The following ABAT variants were observed in gnomAD, a reference collection of about 807,000 sequenced individuals.
The protein encoded by ABAT is 4-aminobutyrate aminotransferase, also known as 4-aminobutyrate aminotransferase, mitochondrial.
In ABAT, 45 loss-of-function variants were observed where a neutral mutation model predicts 64.6. The ratio of observed to expected loss-of-function variants is 0.70; its 90% CI spans 0.55 to 0.89. The LOEUF (loss-of-function observed/expected upper bound fraction) is 0.89. Ranked by LOEUF, ABAT falls within the 40% of genes least tolerant of loss-of-function variation. The pLI is 0.00. For missense variants in ABAT, 633 were observed against 658.4 expected (o/e 0.96, Z 0.42); for synonymous variants, 297 against 250.5 (o/e 1.19, Z -1.75).
intron 2 of ABAT, among the ~76,000 whole-genome samples, chr16:8,744,916 A>G (rs1458918348): frequency 6.6e-6 from 1 of 152,162 alleles, no homozygotes; most frequent in African/African-American, 2.4e-5. Flanking sequence ...ATAATATTCC[A>G]TGAAATGGTT....
intron 12 of ABAT, among the ~76,000 whole-genome samples, chr16:8,773,743 T>C (rs1331149780): frequency 6.6e-6 from 1 of 152,200 alleles, no homozygotes; most frequent in African/African-American, 2.4e-5. Context: ...ATAGGCGTCA[T>C]TCGACTCTAT....
chr16:8,679,753 A>G (rs2057289189), intron 1 of ABAT, among the ~76,000 whole-genome samples: 1 of 152,044 alleles, frequency 6.6e-6, no homozygotes, highest in African/African-American at 2.4e-5. Flanking sequence ...GGCCCCAAGA[A>G]TGCTTAGCAG....
intron 5 of ABAT, among the ~76,000 whole-genome samples, chr16:8,754,665 TA>T (rs1388088346): frequency 1.0e-4 from 1 of 9,700 alleles, no homozygotes; most frequent in Non-Finnish European, 7.1e-4. Context: ...CAAGTTGATT[TA>T]TTTATTTCTT....
chr16:8,766,298 A>C, intron 9 of ABAT, 28 bp downstream of exon 9: 2 of 1,609,170 alleles, frequency 1.2e-6, no homozygotes, highest in Non-Finnish European at 1.7e-6. Context: ...TGCACCACGT[A>C]CATCTGGGGA....
intron 5 of ABAT, among the ~76,000 whole-genome samples, chr16:8,755,976 G>A (rs2059638165): frequency 1.3e-5 from 2 of 152,098 alleles, no homozygotes; most frequent in African/African-American, 2.4e-5. Flanking sequence ...GTGAACCCAG[G>A]AGGCGGAGCT....
At chr16:8,707,042 G>C (rs59049396) in intron 1 of ABAT, among the ~76,000 whole-genome samples, 62 of 152,160 alleles carry the variant, frequency 4.1e-4, no homozygotes, top group Admixed American at 1.6e-3. Context: ...GGCAGAGGTG[G>C]GTTAGGCAAG....
chr16:8,750,710 A>G (rs1472889230), intron 5 of ABAT, among the ~76,000 whole-genome samples, 171 bp downstream of exon 5: 1 of 152,180 alleles, frequency 6.6e-6, no homozygotes, highest in African/African-American at 2.4e-5. Context: ...ATATTATTAG[A>G]CATATTATAT....
At chr16:8,719,047 G>A (rs868037002) in intron 1 of ABAT, among the ~76,000 whole-genome samples, 3 of 152,128 alleles carry the variant, frequency 2.0e-5, no homozygotes, top group Admixed American at 6.6e-5. Flanking sequence ...CTCTGAACGG[G>A]AAGTGCGTTT....
At position 8,771,152 on chromosome 16, in the gene ABAT, G is replaced by A. The variant is rs990141498; in HGVS notation, c.817-1628G>A. 2.6e-4 allele frequency among the ~76,000 whole-genome samples: 39 copies of A among 152,118 alleles called. 1 individual carries two copies. Among genetic ancestry groups the A allele is most frequent in the African/African-American group, 4.6e-4 (19 of 41,486 alleles). On this transcript the variant is annotated intron_variant, in intron 11 of 15. Transcript: ENST00000268251. Reference sequence around the variant, plus strand: ...CTCTACTAAAAATACAAAATTAGCCGGGCATGGTGGTGCATGCCTGTAATC... The same window carrying A: ...CTCTACTAAAAATACAAAATTAGCCAGGCATGGTGGTGCATGCCTGTAATC...
Position 8,679,922 on chromosome 16 carries a change from A to G in ABAT, c.-42+5211A>G, listed in dbSNP as rs529256932. On this transcript the variant is annotated intron_variant, in intron 1 of 15. Transcript: ENST00000268251. ...CTAACCATCCTTGCTTTCTCTAGAC[A>G]CTCCACACATTAAACTGTCTTGCCC... 2.6e-5 allele frequency among the ~76,000 whole-genome samples: 4 copies of G among 151,836 alleles called. No homozygotes were observed. The East Asian group carries it at 7.8e-4, about 29-fold the overall frequency.
chr16:8,772,943 T>C (rs201486605), intron 12 of ABAT, 26 bp downstream of exon 12: 2 of 1,612,562 alleles, frequency 1.2e-6, no homozygotes, highest in African/African-American at 1.3e-5. Context: ...CGAGGTTGGA[T>C]GGAGCCATTG....
intron 2 of ABAT, 62 bp from the exon 3 acceptor site, chr16:8,745,939 G>C: frequency 6.6e-7 from 1 of 1,509,352 alleles, no homozygotes; most frequent in Non-Finnish European, 9.2e-7. Context: ...GCATCTGTCA[G>C]GGCAGAATCC....
chr16:8,747,314 CT>C (rs748480795), intron 3 of ABAT, among the ~76,000 whole-genome samples: 17 of 152,070 alleles, frequency 1.1e-4, no homozygotes, highest in Non-Finnish European at 8.8e-5. Context: ...TCCATAATGT[CT>C]TTTTTTTACT....
chr16:8,773,517 G>A (rs1482094932), intron 12 of ABAT, among the ~76,000 whole-genome samples: 1 of 152,098 alleles, frequency 6.6e-6, no homozygotes, highest in African/African-American at 2.4e-5. Context: ...TCAAATCTGG[G>A]TAATTGGATA....
intron 1 of ABAT, among the ~76,000 whole-genome samples, chr16:8,711,728 A>ATGAT (rs1567279739): frequency 1.1e-4 from 10 of 93,102 alleles, no homozygotes; most frequent in African/African-American, 4.1e-4. Context: ...GGATGGGAAG[A>ATGAT]TGGATGGGTG....
intron 5 of ABAT, among the ~76,000 whole-genome samples, chr16:8,754,909 G>A (rs1277125178): frequency 6.6e-6 from 1 of 151,762 alleles, no homozygotes; most frequent in Admixed American, 6.6e-5. Context: ...AGTAGAGATG[G>A]GGTTTCACCA....
chr16:8,780,577 C>G (rs996296546), intron 15 of ABAT: 4 of 155,792 alleles, frequency 2.6e-5, no homozygotes, highest in African/African-American at 9.7e-5. Context: ...GCCTGGCCAA[C>G]GGGGCAAAAC....
In ABAT at chr16:8,684,909, G is replaced by A. The variant is rs1277903944; in HGVS notation, c.-42+10198G>A. 2.0e-5 allele frequency among the ~76,000 whole-genome samples: 3 copies of A among 152,264 alleles called. No individual in the cohort carries two copies. The South Asian group carries it at 6.2e-4, about 32-fold the overall frequency. On this transcript the variant is annotated intron_variant, in intron 1 of 15. Coordinates refer to ENST00000268251, the MANE Select transcript of ABAT (RefSeq NM_020686.6). ...GAGGTCTAAATAGATTCAAAACAGA[G>A]GCAAACATGGTTGGACAAGGCAGAA...
chr16:8,679,227 C>T (rs2057274700), intron 1 of ABAT, among the ~76,000 whole-genome samples: 2 of 152,154 alleles, frequency 1.3e-5, no homozygotes, highest in Non-Finnish European at 2.9e-5. Context: ...GCACAACCCA[C>T]AGAGGTTGAG....
Sources: gnomAD v4.1 joint callset for allele counts (sites outside exome capture counted in the v4.1 genomes callset) on GRCh38, gnomAD v4.1.1 for gene constraint, MANE v1.5 for transcripts, NCBI Gene and HGNC (gene_info 2026-07-23, HGNC 2026-07-21) for gene names.